CCDC126: variants seen among roughly 807,000 people sequenced by gnomAD.
CCDC126 encodes the protein coiled-coil domain containing 126, also known as coiled-coil domain-containing protein 126.
CCDC126 carries 5 observed loss-of-function variants against 11.7 expected under a neutral mutation model. That is an observed-to-expected ratio of 0.43 (90% CI 0.22 to 0.90). The LOEUF is 0.90. Ranked by LOEUF, CCDC126 falls within the 40% of genes least tolerant of loss-of-function variation. The probability of loss-of-function intolerance (pLI) is 0.27; values close to 1 mark genes in which losing one functional copy is unlikely to be tolerated. For missense variants in CCDC126, 150 were observed against 163.1 expected (o/e 0.92, Z 0.44); for synonymous variants, 60 against 61.9 (o/e 0.97, Z 0.14).
intron 2 of CCDC126, among the ~76,000 whole-genome samples, chr7:23,602,649 C>T (rs546851464): frequency 6.6e-6 from 1 of 152,276 alleles, no homozygotes; most frequent in Admixed American, 6.5e-5. Context: ...TCCCGAGATT[C>T]TGGTAAAAGA....
At chr7:23,625,904 G>A (rs1053666003) in intron 3 of CCDC126, among the ~76,000 whole-genome samples, 4 of 151,608 alleles carry the variant, frequency 2.6e-5, no homozygotes, top group Non-Finnish European at 5.9e-5. Flanking sequence ...TGATCCACCC[G>A]CCTTGGCCTC....
chr7:23,617,754 T>C (rs1281438833), intron 3 of CCDC126, among the ~76,000 whole-genome samples: 2 of 152,180 alleles, frequency 1.3e-5, no homozygotes, highest in Non-Finnish European at 2.9e-5. Context: ...TGTGGGTTAT[T>C]ACCTCCTTAT....
At chr7:23,619,482 A>G (rs1437188034) in intron 3 of CCDC126, 3 of 381,078 alleles carry the variant, frequency 7.9e-6, no homozygotes, top group South Asian at 2.4e-5. Flanking sequence ...AAGTTCCCCA[A>G]CACCCTTCCT....
intron 3 of CCDC126, among the ~76,000 whole-genome samples, chr7:23,624,925 C>G (rs1782987149): frequency 6.6e-6 from 1 of 152,134 alleles, no homozygotes; most frequent in African/African-American, 2.4e-5. Context: ...TCAGTATAAC[C>G]TCAAATTCCT....
chr7:23,620,559 C>T (rs1278191116), intron 3 of CCDC126, among the ~76,000 whole-genome samples: 3 of 151,174 alleles, frequency 2.0e-5, no homozygotes, highest in Non-Finnish European at 3.0e-5. Flanking sequence ...GTTTCTTTTG[C>T]TGTGCAGAAG....
chr7:23,641,945 G>A (rs771920539), intron 3 of CCDC126, among the ~76,000 whole-genome samples: 16 of 152,132 alleles, frequency 1.1e-4, no homozygotes, highest in African/African-American at 2.2e-4. Context: ...GGAGGTTCTC[G>A]ATTTCTGTAT....
intron 3 of CCDC126, among the ~76,000 whole-genome samples, chr7:23,626,486 T>C (rs1783017592): frequency 6.6e-6 from 1 of 152,084 alleles, no homozygotes; most frequent in African/African-American, 2.4e-5. Flanking sequence ...TAAGCTAATA[T>C]ATTTTTTAAT....
In CCDC126 at chr7:23,629,861, G is replaced by A. The variant is rs189853227; in HGVS notation, c.239-13070G>A. ...GACCATAACTAAAAATCTAACATTT[G>A]TGTCATCAGAATTTCAGGAGAAGAG... On this transcript the variant is annotated intron_variant, in intron 3 of 3. Coordinates refer to ENST00000307471, the MANE Select transcript of CCDC126 (RefSeq NM_138771.4). 4.6e-5 allele frequency among the ~76,000 whole-genome samples: 7 copies of A among 152,270 alleles called. No individual in the cohort carries two copies. In the East Asian group the frequency reaches 1.3e-3, roughly 29 times the overall value.
intron 2 of CCDC126, among the ~76,000 whole-genome samples, chr7:23,601,148 C>A: frequency 6.6e-6 from 1 of 151,964 alleles, no homozygotes; most frequent in Non-Finnish European, 1.5e-5. Flanking sequence ...CTTTGGGAAG[C>A]TGAGGCAGGA....
Position 23,611,426 on chromosome 7 carries a change from A to G in CCDC126, c.111A>G (p.Pro37=). The change falls in exon 3 of 4, where the codon CCA becomes CCG. Residue 37 remains proline (P), a synonymous_variant. Coordinates refer to ENST00000307471, the MANE Select transcript of CCDC126 (RefSeq NM_138771.4). ...TACTGCACTATACTTTTCAACAACC[A>G]AGACATCAAAGCAGTGTCAAGTTAC... The part of the protein sequence containing the change: ...LMLLHYTFQQ[P]RHQSSVKLRE... 3 of 1,613,954 alleles carry G rather than the reference A, an allele frequency of 1.9e-6. No individual in the cohort carries two copies.
intron 3 of CCDC126, among the ~76,000 whole-genome samples, chr7:23,638,727 TA>T (rs70954398): frequency 0.48 from 42,776 of 89,378 alleles, 7,703 homozygotes; most frequent in South Asian, 0.63. Flanking sequence ...AAAAAAAAAT[TA>T]AAAAAAAAAA....
chr7:23,613,063 C>G (rs1782743275), intron 3 of CCDC126, among the ~76,000 whole-genome samples: 1 of 152,154 alleles, frequency 6.6e-6, no homozygotes, highest in Non-Finnish European at 1.5e-5. Flanking sequence ...GTAACCCCAG[C>G]ATTTTGGGAG....
chr7:23,628,635 G>A (rs1783054304), intron 3 of CCDC126, among the ~76,000 whole-genome samples: 1 of 152,178 alleles, frequency 6.6e-6, no homozygotes. Flanking sequence ...AGCCGGAAAT[G>A]TCACCCCTGC....
intron 2 of CCDC126, among the ~76,000 whole-genome samples, chr7:23,599,486 A>G (rs1399818798): frequency 1.3e-5 from 2 of 151,604 alleles, no homozygotes; most frequent in South Asian, 2.1e-4. Context: ...GTCTATGTAT[A>G]TGTATATATA....
chr7:23,639,219 T>TCTCG (rs1783308686), intron 3 of CCDC126, among the ~76,000 whole-genome samples: 2 of 145,902 alleles, frequency 1.4e-5, no homozygotes, highest in Non-Finnish European at 3.0e-5. Flanking sequence ...TGAGATGGAG[T>TCTCG]CTCGCTCTGT....
intron 3 of CCDC126, among the ~76,000 whole-genome samples, chr7:23,621,781 T>G (rs565858392): frequency 6.6e-6 from 1 of 152,358 alleles, no homozygotes; most frequent in South Asian, 2.1e-4. Flanking sequence ...TTGAGAGTTT[T>G]TAGCATGAAG....
intron 3 of CCDC126, among the ~76,000 whole-genome samples, chr7:23,627,901 T>C (rs1584210700): frequency 1.3e-5 from 2 of 152,132 alleles, no homozygotes; most frequent in Non-Finnish European, 2.9e-5. Flanking sequence ...AGGAGAATAA[T>C]TTAATGTTAA....
chr7:23,623,173 G>A (rs1255846018), intron 3 of CCDC126, among the ~76,000 whole-genome samples: 1 of 147,304 alleles, frequency 6.8e-6, no homozygotes, highest in African/African-American at 2.5e-5. Flanking sequence ...TTTTAGTAGA[G>A]ACAAAAACTT....
chr7:23,624,689 G>A (rs920214019), intron 3 of CCDC126, among the ~76,000 whole-genome samples: 2 of 152,126 alleles, frequency 1.3e-5, no homozygotes, highest in Admixed American at 6.5e-5. Flanking sequence ...ACCTATGCAC[G>A]CATATTCCAA....
Sources: gnomAD v4.1 joint callset for allele counts (sites outside exome capture counted in the v4.1 genomes callset) on GRCh38, gnomAD v4.1.1 for gene constraint, MANE v1.5 for transcripts, NCBI Gene and HGNC (gene_info 2026-07-23, HGNC 2026-07-21) for gene names.